The following USP6NL variants were observed in gnomAD, a reference collection of about 807,000 sequenced individuals.
USP6NL encodes the protein USP6 N-terminal-like protein.
A neutral mutation model predicts 61.9 loss-of-function variants in USP6NL; 26 were observed. The observed-to-expected ratio is 0.42, with a 90% CI of 0.31 to 0.58. The LOEUF (loss-of-function observed/expected upper bound fraction) is 0.58. Among genes scored for constraint, USP6NL ranks in the 20% least tolerant of loss-of-function variants. The probability of loss-of-function intolerance (pLI) is 0.16; values close to 1 mark genes in which losing one functional copy is unlikely to be tolerated. For synonymous variants in USP6NL, 432 were observed against 390.1 expected, an observed-to-expected ratio of 1.11 and a Z score of -1.27; for missense variants, 1,114 against 1,034.3, an observed-to-expected ratio of 1.08 and a Z score of -1.06.
chr10:11,494,684 G>A (rs919783595), intron 7 of USP6NL, among the ~76,000 whole-genome samples: 6 of 152,190 alleles, frequency 3.9e-5, no homozygotes, highest in Non-Finnish European at 7.3e-5. Context: ...TGTGGGTCAC[G>A]TGTCAACTGG....
At chr10:11,516,273 T>C (rs1435272163) in intron 5 of USP6NL, among the ~76,000 whole-genome samples, 1 of 152,238 alleles carries the variant, frequency 6.6e-6, no homozygotes, top group Admixed American at 6.5e-5. Flanking sequence ...AAGCTGTGAT[T>C]ACCCGACTAT....
Position 11,489,281 on chromosome 10 carries a change from A to G in USP6NL, c.544-59T>C. On this transcript the variant is annotated intron_variant, in intron 9 of 14. Transcript: ENST00000609104. This position sits in a 1 kb window ranked among gnomAD's most constrained non-coding sequence, Gnocchi z 5.7. ...GTTCAGTCGAATTACATGCATATGT[A>G]CAGAGAAAAAGCTACTCTATAAAAA... 1 of 1,589,662 alleles carries G rather than the reference A, an allele frequency of 6.3e-7. No homozygotes were observed. Among genetic ancestry groups the G allele is most frequent in the Non-Finnish European group, 8.6e-7 (1 of 1,166,084 alleles).
At position 11,536,917 on chromosome 10, in the gene USP6NL, A is replaced by C. The variant is rs981458317; in HGVS notation, c.5-9350T>G. ...GTTTACTTGGGAACAACAAGAAAAGAGACAGGTCATAGCCACAATTATAGA... is the reference window on the plus strand; with the variant it reads ...GTTTACTTGGGAACAACAAGAAAAGCGACAGGTCATAGCCACAATTATAGA... On this transcript the variant is annotated intron_variant, in intron 2 of 14. Transcript: ENST00000609104. Among the ~76,000 whole-genome samples the C allele has an allele frequency of 5.9e-5, 9 of 152,236 alleles. No homozygotes were observed. The South Asian group carries it at 1.2e-3, about 21-fold the overall frequency.
At chr10:11,504,014 A>G (rs1488257975) in intron 6 of USP6NL, among the ~76,000 whole-genome samples, 1 of 152,202 alleles carries the variant, frequency 6.6e-6, no homozygotes, top group African/African-American at 2.4e-5. Context: ...TAAAATAATG[A>G]TAATATAATT....
rs200473728 is a variant in USP6NL at position 11,463,171 on chromosome 10, G to A, written c.1757C>T (p.Pro586Leu). The A allele has an allele frequency of 7.7e-5, 125 of 1,613,662 alleles. No individual in the cohort carries two copies. In the Admixed American group the frequency reaches 2.0e-3, roughly 26 times the overall value. Residue 586 changes from proline (P) to leucine (L), a missense_variant, in exon 15 of 15, where the codon CCG (proline) becomes CTG (leucine). Pro to Leu is a moderately conservative substitution (Grantham distance 98). Coordinates refer to ENST00000609104, the MANE Select transcript of USP6NL (RefSeq NM_014688.5). This position sits in a 1 kb window ranked among gnomAD's most constrained non-coding sequence, Gnocchi z 6.3. ...AGAACTTGGCTCAGCGTGCTTTCTCGGGCTAGGAGGGTAAAGGGCATGCCG... is the reference window on the plus strand; with the variant it reads ...AGAACTTGGCTCAGCGTGCTTTCTCAGGCTAGGAGGGTAAAGGGCATGCCG... The part of the protein sequence containing the change: ...SPRHALYPPS[P>L]RKHAEPSSSP...
chr10:11,464,911 C>T (rs561250094), intron 14 of USP6NL, among the ~76,000 whole-genome samples: 2 of 152,304 alleles, frequency 1.3e-5, no homozygotes, highest in East Asian at 3.9e-4. Flanking sequence ...AGAAAGTAGA[C>T]TTTAAATACT....
intron 2 of USP6NL, among the ~76,000 whole-genome samples, chr10:11,569,882 C>T (rs908502594): frequency 3.3e-5 from 5 of 152,180 alleles, no homozygotes; most frequent in Non-Finnish European, 1.5e-5. Context: ...CCCTATCACC[C>T]TAAGAGAATT....
chr10:11,462,119 C>T lies in USP6NL; in HGVS notation c.*322G>A. 1 of 284,774 alleles carries T rather than the reference C, an allele frequency of 3.5e-6. No individual in the cohort carries two copies. 17.6% of individuals were successfully genotyped at this position (284,774 alleles called of 1,614,324 possible). A position where few individuals can be genotyped will look rare whatever the true frequency, so the allele number is the denominator to read the frequency against. On this transcript the variant is annotated 3_prime_UTR_variant, in exon 15 of 15. Transcript: ENST00000609104. ...GTAACATTAGTCAAAATAGAATGAG[C>T]CAACAGAGTAAAAATGTTCAGGTTT...
chr10:11,474,706 T>TA lies in USP6NL; in HGVS notation c.1078+7063dup, dbSNP rs200777224. On this transcript the variant is annotated intron_variant, in intron 14 of 14. Transcript: ENST00000609104. This position sits in a 1 kb window ranked among gnomAD's most constrained non-coding sequence, Gnocchi z 4.9. ...TTGTCCTTGAATTAATGATTTTTTT[T>TA]AAAAAAAACTTGCATCAACAAATGA... Among the ~76,000 whole-genome samples, 14 of 151,920 alleles carry TA rather than the reference T, an allele frequency of 9.2e-5. No individual in the cohort carries two copies. The highest frequency in any genetic ancestry group is 2.7e-4 in the African/African-American group (11 of 41,410).
rs1055343532 is a variant in USP6NL at position 11,461,339 on chromosome 10, T to C, written c.*1102A>G. On this transcript the variant is annotated 3_prime_UTR_variant, in exon 15 of 15. Coordinates refer to ENST00000609104, the MANE Select transcript of USP6NL (RefSeq NM_014688.5). ...AAAAGATCAAAATCCTAGACTCCTA[T>C]GAAAAACTAGGATCATTTTTATAAT... is the stretch of plus-strand genomic sequence containing the variant. 1.2e-4 allele frequency: 19 copies of C among 152,332 alleles called. No homozygotes were observed. Among genetic ancestry groups the C allele is most frequent in the African/African-American group, 4.6e-4 (19 of 41,574 alleles). The allele number at this position is 152,332 out of a possible 1,614,324, so 9.4% of individuals were successfully genotyped here.
In USP6NL at chr10:11,528,873, T is replaced by C. The variant is rs1835529873; in HGVS notation, c.5-1306A>G. ...CAAATCCCTGAAAGTTGAAGGGACATGCATGTGTGTAGCAGAGCCGGGTGC... is the reference window on the plus strand; with the variant it reads ...CAAATCCCTGAAAGTTGAAGGGACACGCATGTGTGTAGCAGAGCCGGGTGC... On this transcript the variant is annotated intron_variant, in intron 2 of 14. Coordinates refer to ENST00000609104, the MANE Select transcript of USP6NL (RefSeq NM_014688.5). The surrounding 1 kb of genome is among the most constrained non-coding windows in gnomAD (Gnocchi z 4.6). Among the ~76,000 whole-genome samples the C allele has an allele frequency of 6.6e-6, 1 of 151,620 alleles. No homozygotes were observed. The highest frequency in any genetic ancestry group is 1.5e-5 in the Non-Finnish European group (1 of 68,010).
At chr10:11,552,651 T>C (rs1052322691) in intron 2 of USP6NL, among the ~76,000 whole-genome samples, 1 of 152,204 alleles carries the variant, frequency 6.6e-6, no homozygotes, top group African/African-American at 2.4e-5. Flanking sequence ...CAATTCACAT[T>C]ATGCAGAAAA....
In USP6NL at chr10:11,468,327, T is replaced by A. The variant is rs753599633; in HGVS notation, c.1079-4478A>T. Among the ~76,000 whole-genome samples the A allele has an allele frequency of 7.9e-5, 12 of 152,236 alleles. No homozygotes were observed. Among genetic ancestry groups the A allele is most frequent in the Non-Finnish European group, 1.3e-4 (9 of 68,040 alleles). ...TCACAGTTCACTCAGTCGAATGGTA[T>A]GTTCCAGGGTCTCTTAGTCACAGCT... On this transcript the variant is annotated intron_variant, in intron 14 of 14. Transcript: ENST00000609104. The surrounding 1 kb of genome is among the most constrained non-coding windows in gnomAD (Gnocchi z 4.5).
At position 11,600,997 on chromosome 10, in the gene USP6NL, C is replaced by T. The variant is rs2133678639; in HGVS notation, c.-83-3280G>A. On this transcript the variant is annotated intron_variant, in intron 1 of 14. Transcript: ENST00000609104. This position sits in a 1 kb window ranked among gnomAD's most constrained non-coding sequence, Gnocchi z 4.1. ...AAAAAAAAAAAGCTTATCAGGCAAA[C>T]TCTAACCAAAAGAGAGACATGTGGC... Among the ~76,000 whole-genome samples the T allele has an allele frequency of 6.6e-6, 1 of 152,050 alleles. No individual in the cohort carries two copies. The highest frequency in any genetic ancestry group is 2.4e-5 in the African/African-American group (1 of 41,488).
chr10:11,520,565 T>G lies in USP6NL; in HGVS notation c.156-1991A>C, dbSNP rs764754152. On this transcript the variant is annotated intron_variant, in intron 4 of 14. Transcript: ENST00000609104. The surrounding 1 kb of genome is among the most constrained non-coding windows in gnomAD (Gnocchi z 5.2). ...AGATATGAACAGGAGGATGAACACA[T>G]GCCTGCAGGCATGGATGCATCCTTA... Among the ~76,000 whole-genome samples, 1 of 152,240 alleles carries G rather than the reference T, an allele frequency of 6.6e-6. No homozygotes were observed. The highest frequency in any genetic ancestry group is 1.5e-5 in the Non-Finnish European group (1 of 68,036).
intron 8 of USP6NL, among the ~76,000 whole-genome samples, chr10:11,492,217 G>A (rs1182730911): frequency 6.6e-6 from 1 of 152,180 alleles, no homozygotes. Flanking sequence ...ATCTTACTTG[G>A]AAATTGTTTA....
In USP6NL at chr10:11,492,437, T is replaced by C. The variant is rs556133446; in HGVS notation, c.494+682A>G. Among the ~76,000 whole-genome samples, 4 of 152,364 alleles carry C rather than the reference T, an allele frequency of 2.6e-5. No individual in the cohort carries two copies. In the South Asian group the frequency reaches 8.3e-4, roughly 32 times the overall value. ...AGACCTGGGCAGGCCTCATTCAATC[T>C]GTTGAAAGGCCTTAAGGGCAGATTT... On this transcript the variant is annotated intron_variant, in intron 8 of 14. Transcript: ENST00000609104.
chr10:11,502,013 C>T (rs986318685), intron 6 of USP6NL, among the ~76,000 whole-genome samples: 7 of 152,284 alleles, frequency 4.6e-5, no homozygotes, highest in Admixed American at 4.6e-4. Context: ...AATCCCAGCA[C>T]TTTGGGAGGC....
chr10:11,611,387 C>G lies in USP6NL; in HGVS notation c.-84+56G>C, dbSNP rs1405216290. The G allele has an allele frequency of 1.3e-5, 2 of 152,298 alleles. No individual in the cohort carries two copies. Among genetic ancestry groups the G allele is most frequent in the Non-Finnish European group, 2.9e-5 (2 of 68,164 alleles). 9.4% of individuals were successfully genotyped at this position (152,298 alleles called of 1,614,324 possible). A position where few individuals can be genotyped will look rare whatever the true frequency, so the allele number is the denominator to read the frequency against. On this transcript the variant is annotated intron_variant, in intron 1 of 14. Transcript: ENST00000609104. The surrounding 1 kb of genome is among the most constrained non-coding windows in gnomAD (Gnocchi z 5.3). ...CCGAGTCCCGGCCCGGGGAGGACGC[C>G]CGCGGAGCCCGCCGCCGCCGGCCCC...
Sources: gnomAD v4.1 joint callset for allele counts (sites outside exome capture counted in the v4.1 genomes callset) on GRCh38, gnomAD v4.1.1 for gene constraint, Gnocchi (gnomAD v3.1) non-coding constraint, MANE v1.5 for transcripts, NCBI Gene and HGNC (gene_info 2026-07-23, HGNC 2026-07-21) for gene names.